The following ARHGAP26 variants were observed in gnomAD, a reference collection of about 807,000 sequenced individuals.
ARHGAP26 encodes the protein Rho GTPase activating protein 26.
A neutral mutation model predicts 104.8 loss-of-function variants in ARHGAP26; 38 were observed. The ratio of observed to expected loss-of-function variants is 0.36; its 90% CI spans 0.28 to 0.48. The LOEUF is 0.48. ARHGAP26 is among the 20% of genes least tolerant of loss of function. ARHGAP26 has a pLI of 0.99. For synonymous variants in ARHGAP26, 341 were observed against 340.0 expected (o/e 1.00, Z -0.03); for missense variants, 704 against 947.9 (o/e 0.74, Z 3.38).
At chr5:142,826,506 C>A (rs1005452153) in intron 1 of ARHGAP26, among the ~76,000 whole-genome samples, 1 of 152,250 alleles carries the variant, frequency 6.6e-6, no homozygotes, top group Admixed American at 6.5e-5. Context: ...ATTTCAACTA[C>A]GTGCTAGCAC....
chr5:143,040,120 A>G (rs1214188411), intron 13 of ARHGAP26, among the ~76,000 whole-genome samples: 2 of 152,230 alleles, frequency 1.3e-5, no homozygotes, highest in Non-Finnish European at 2.9e-5. Flanking sequence ...CAAGGATAGA[A>G]GAAGTAGAGA....
intron 11 of ARHGAP26, among the ~76,000 whole-genome samples, chr5:142,967,831 G>A (rs915626736): frequency 2.0e-5 from 3 of 152,128 alleles, no homozygotes; most frequent in African/African-American, 4.8e-5. Flanking sequence ...GGTGGTGCAC[G>A]GATATGAATG....
chr5:142,796,789 A>G (rs1761069140), intron 1 of ARHGAP26, among the ~76,000 whole-genome samples: 1 of 152,214 alleles, frequency 6.6e-6, no homozygotes, highest in Non-Finnish European at 1.5e-5. Context: ...GTTTCCCAGC[A>G]TCAGTCCACT....
intron 17 of ARHGAP26, among the ~76,000 whole-genome samples, chr5:143,097,215 T>C (rs1469002215): frequency 2.6e-5 from 4 of 151,416 alleles, no homozygotes; most frequent in African/African-American, 4.9e-5. Context: ...GGTGCGTGCC[T>C]GTAATCTGGG....
intron 17 of ARHGAP26, among the ~76,000 whole-genome samples, chr5:143,103,572 A>T (rs1268366072): frequency 3.7e-4 from 2 of 5,378 alleles, no homozygotes; most frequent in East Asian, 8.2e-3. Context: ...AGACTGGATA[A>T]AAAAAAAAAT....
chr5:143,111,940 C>T (rs1024018637), intron 17 of ARHGAP26, among the ~76,000 whole-genome samples: 19 of 152,248 alleles, frequency 1.2e-4, no homozygotes, highest in Admixed American at 1.0e-3. Flanking sequence ...AACCCAGGTA[C>T]CTAGTGCAGC....
intron 1 of ARHGAP26, among the ~76,000 whole-genome samples, chr5:142,844,742 C>T (rs1316361263): frequency 6.6e-6 from 1 of 151,436 alleles, no homozygotes; most frequent in South Asian, 2.1e-4. Context: ...ATAATCCCAG[C>T]TACTTGGGAG....
chr5:143,024,070 A>T (rs568836662), intron 12 of ARHGAP26, among the ~76,000 whole-genome samples: 63 of 152,116 alleles, frequency 4.1e-4, no homozygotes, highest in Admixed American at 7.9e-4. Context: ...ATTGAGCTTG[A>T]ATTACATTTA....
chr5:143,183,141 C>T (rs940932670), intron 20 of ARHGAP26, among the ~76,000 whole-genome samples: 10 of 149,516 alleles, frequency 6.7e-5, no homozygotes, highest in Non-Finnish European at 1.0e-4. Flanking sequence ...AGGGGAATTT[C>T]GGCTGTTCTT....
At chr5:143,086,052 C>T (rs1002564736) in intron 17 of ARHGAP26, among the ~76,000 whole-genome samples, 1 of 152,116 alleles carries the variant, frequency 6.6e-6, no homozygotes, top group Non-Finnish European at 1.5e-5. Context: ...CAGAGCTGGC[C>T]TTTCAGGGTT....
At chr5:142,973,062 A>G (rs116336830) in intron 11 of ARHGAP26, among the ~76,000 whole-genome samples, 5,848 of 152,084 alleles carry the variant, frequency 0.038, 121 homozygotes, top group Middle Eastern at 0.058. Context: ...GGGTTGTTTT[A>G]GATTGGTAAT....
chr5:142,870,970 T>A (rs534742075), intron 1 of ARHGAP26, among the ~76,000 whole-genome samples: 1 of 152,348 alleles, frequency 6.6e-6, no homozygotes, highest in African/African-American at 2.4e-5. Context: ...GTGTCCACTT[T>A]AGCTGTACTG....
chr5:143,179,732 A>G (rs563455285), intron 20 of ARHGAP26, among the ~76,000 whole-genome samples: 5 of 152,318 alleles, frequency 3.3e-5, no homozygotes, highest in African/African-American at 7.2e-5. Context: ...GTTATTTCCA[A>G]TGTTTGGTAA....
intron 20 of ARHGAP26, among the ~76,000 whole-genome samples, chr5:143,190,630 A>C (rs1805800238): frequency 6.6e-6 from 1 of 152,240 alleles, no homozygotes; most frequent in African/African-American, 2.4e-5. Flanking sequence ...ATTTAACATC[A>C]AAAGCACAAT....
At chr5:142,919,628 A>G (rs1762937309) in intron 10 of ARHGAP26, among the ~76,000 whole-genome samples, 1 of 152,144 alleles carries the variant, frequency 6.6e-6, no homozygotes, top group South Asian at 2.1e-4. Flanking sequence ...CCATTCACAT[A>G]AATTACCTTC....
chr5:142,807,296 C>G (rs1392924643), intron 1 of ARHGAP26, among the ~76,000 whole-genome samples: 1 of 152,188 alleles, frequency 6.6e-6, no homozygotes, highest in Non-Finnish European at 1.5e-5. Context: ...AAATTGCACA[C>G]TTACCTTGCC....
intron 1 of ARHGAP26, among the ~76,000 whole-genome samples, chr5:142,872,111 T>A (rs182332736): frequency 6.6e-6 from 1 of 152,270 alleles, no homozygotes; most frequent in Non-Finnish European, 1.5e-5. Flanking sequence ...GGATTGGATT[T>A]GTATCCAGTG....
At chr5:143,139,906 G>C (rs1278025351) in intron 19 of ARHGAP26, among the ~76,000 whole-genome samples, 1 of 152,210 alleles carries the variant, frequency 6.6e-6, no homozygotes, top group Non-Finnish European at 1.5e-5. Flanking sequence ...GGATTGAAGG[G>C]AGCCAGCAAC....
chr5:143,122,534 A>G (rs1370673867), intron 18 of ARHGAP26, among the ~76,000 whole-genome samples: 1 of 152,238 alleles, frequency 6.6e-6, no homozygotes, highest in Non-Finnish European at 1.5e-5. Context: ...TAGTTTAAAG[A>G]TGTTAATTGA....
Sources: gnomAD v4.1 joint callset for allele counts (sites outside exome capture counted in the v4.1 genomes callset) on GRCh38, gnomAD v4.1.1 for gene constraint, MANE v1.5 for transcripts, NCBI Gene and HGNC (gene_info 2026-07-23, HGNC 2026-07-21) for gene names.